DNAH11: variants seen among roughly 807,000 people sequenced by gnomAD.
The protein encoded by DNAH11 is dynein axonemal heavy chain 11.
A neutral mutation model predicts 526.0 loss-of-function variants in DNAH11; 442 were observed. That is an observed-to-expected ratio of 0.84 (90% CI 0.78 to 0.91). The LOEUF (loss-of-function observed/expected upper bound fraction) is 0.91. Ranked by LOEUF, DNAH11 falls within the 40% of genes least tolerant of loss-of-function variation. DNAH11 has a pLI of 0.00. For synonymous variants in DNAH11, 2,461 were observed against 1,935.9 expected, an observed-to-expected ratio of 1.27 and a Z score of -7.12; for missense variants, 6,989 against 5,448.7, an observed-to-expected ratio of 1.28 and a Z score of -8.90.
At chr7:21,763,828 A>G (rs1235717462) in intron 54 of DNAH11, among the ~76,000 whole-genome samples, 3 of 150,338 alleles carry the variant, frequency 2.0e-5, no homozygotes, top group Admixed American at 6.7e-5. Context: ...ATATACATAT[A>G]TATATATACA....
chr7:21,807,452 T>G (rs1789314574), intron 62 of DNAH11, among the ~76,000 whole-genome samples: 1 of 152,212 alleles, frequency 6.6e-6, no homozygotes, highest in Admixed American at 6.5e-5. Context: ...TGAGCCAAGA[T>G]GGTGCTATGG....
At chr7:21,643,021 G>A (rs773753037) in intron 28 of DNAH11, among the ~76,000 whole-genome samples, 9 of 152,154 alleles carry the variant, frequency 5.9e-5, no homozygotes, top group Non-Finnish European at 1.3e-4. Flanking sequence ...AAGGATGATG[G>A]ATACAGGTGC....
At position 21,738,916 on chromosome 7, in the gene DNAH11, T is replaced by C. The variant is rs565090693; in HGVS notation, c.7811+50T>C. ...CTCTCCCAAAATCTAATAATTATTA[T>C]GGATAATAATTACTATGGATGAATA... On this transcript the variant is annotated intron_variant, in intron 47 of 81. Coordinates refer to ENST00000409508, the MANE Select transcript of DNAH11 (RefSeq NM_001277115.2). The C allele has an allele frequency of 2.9e-6, 4 of 1,382,682 alleles. No homozygotes were observed. The African/African-American group carries it at 4.5e-5, about 15-fold the overall frequency. The allele number at this position is 1,382,682 out of a possible 1,614,324, so 85.7% of individuals were successfully genotyped here.
chr7:21,596,866 A>C (rs1476634226), intron 14 of DNAH11, among the ~76,000 whole-genome samples: 1 of 152,248 alleles, frequency 6.6e-6, no homozygotes, highest in Non-Finnish European at 1.5e-5. Flanking sequence ...GCCAGCTTTA[A>C]AATGGAAATG....
In DNAH11 at chr7:21,658,835, A is replaced by C; in HGVS notation, c.5132A>C (p.Gln1711Pro). 1.2e-6 allele frequency: 2 copies of C among 1,600,310 alleles called. No individual in the cohort carries two copies. Among genetic ancestry groups the C allele is most frequent in the African/African-American group, 1.3e-5 (1 of 74,816 alleles). The change falls in exon 30 of 82, where the codon CAA becomes CCA. Residue 1711 changes from glutamine to proline, a missense_variant. Coordinates refer to ENST00000409508, the MANE Select transcript of DNAH11 (RefSeq NM_001277115.2). ...TWLLQLEQTM[Q>P]ETVRHSITEA... ...CTTCTGCAACTTGAACAGACTATGC[A>C]AGAAACGGTGCGTCATTCTATAACA...
chr7:21,751,691 T>A (rs1007792363), intron 54 of DNAH11, among the ~76,000 whole-genome samples: 2 of 152,170 alleles, frequency 1.3e-5, no homozygotes, highest in African/African-American at 4.8e-5. Flanking sequence ...GATTGGAGGT[T>A]AAGGAGCAGA....
At chr7:21,828,146 A>G (rs905378542) in intron 65 of DNAH11, among the ~76,000 whole-genome samples, 6 of 152,054 alleles carry the variant, frequency 3.9e-5, no homozygotes, top group Admixed American at 3.9e-4. Context: ...ATGGGGTTTC[A>G]CTATGTTGGT....
At position 21,711,837 on chromosome 7, in the gene DNAH11, C is replaced by A; in HGVS notation, c.6960C>A (p.Asn2320Lys). 2 of 1,613,468 alleles carry A rather than the reference C, an allele frequency of 1.2e-6. No homozygotes were observed. The highest frequency in any genetic ancestry group is 1.7e-6 in the Non-Finnish European group (2 of 1,179,640). ...TVSRAGILYV[N>K]PQDLGWNPYV... ...CCAGAGCTGGTATTCTGTATGTGAACCCACAAGATCTGGGCTGGAATCCGT... is the reference window on the plus strand; with the variant it reads ...CCAGAGCTGGTATTCTGTATGTGAAACCACAAGATCTGGGCTGGAATCCGT... The change falls in exon 42 of 82, where the codon AAC (asparagine) becomes AAA (lysine). Residue 2320 changes from asparagine (N) to lysine (K), a missense_variant. Physicochemically the swap from Asn to Lys is moderately conservative, Grantham distance 94. Coordinates refer to ENST00000409508, the MANE Select transcript of DNAH11 (RefSeq NM_001277115.2).
chr7:21,566,685 T>A (rs1017164285), intron 6 of DNAH11, among the ~76,000 whole-genome samples: 2 of 152,044 alleles, frequency 1.3e-5, no homozygotes, highest in African/African-American at 4.8e-5. Flanking sequence ...TCACCCGTTA[T>A]ACCATGCTCC....
chr7:21,558,680 G>A, intron 2 of DNAH11, 122 bp from the exon 3 acceptor site: 1 of 673,010 alleles, frequency 1.5e-6, no homozygotes, highest in Non-Finnish European at 2.4e-6. Context: ...TCTCTTTGTA[G>A]ATTTGATATC....
At position 21,655,803 on chromosome 7, in the gene DNAH11, T is replaced by G. The variant is rs1253256346; in HGVS notation, c.4945-29T>G. ...AGAATATACCTACAGTAAGAAATGT[T>G]CTTATCTTTTCTAATATTCTCATTT... is the stretch of plus-strand genomic sequence containing the variant. On this transcript the variant is annotated intron_variant, in intron 28 of 81. Coordinates refer to ENST00000409508, the MANE Select transcript of DNAH11 (RefSeq NM_001277115.2). The G allele has an allele frequency of 3.1e-6, 5 of 1,598,656 alleles. No homozygotes were observed. The East Asian group carries it at 1.1e-4, about 36-fold the overall frequency.
At chr7:21,559,301 T>G (rs1165557267) in intron 3 of DNAH11, among the ~76,000 whole-genome samples, 2 of 152,266 alleles carry the variant, frequency 1.3e-5, no homozygotes, top group Non-Finnish European at 2.9e-5. Flanking sequence ...TTTTAAAGTA[T>G]GCTTTTAAAA....
rs760795047 is a variant in DNAH11 at position 21,894,942 on chromosome 7, C to T, written c.12992C>T (p.Thr4331Met). Residue 4331 changes from threonine (T) to methionine (M), a missense_variant, in exon 79 of 82, where the codon ACG becomes ATG. Thr to Met is a moderately conservative substitution (Grantham distance 81). Transcript: ENST00000409508. ...EAQQFALSYDTVPDTWSKLAY... is the reference protein window; with the variant it reads ...EAQQFALSYDMVPDTWSKLAY... Reference sequence around the variant, plus strand: ...CAGCAGTTTGCATTGAGTTATGACACGGTACCAGACACTTGGAGCAAACTG... The same window carrying T: ...CAGCAGTTTGCATTGAGTTATGACATGGTACCAGACACTTGGAGCAAACTG... 1.8e-5 allele frequency: 29 copies of T among 1,613,834 alleles called. No individual in the cohort carries two copies. The highest frequency in any genetic ancestry group is 1.5e-4 in the Admixed American group (9 of 59,988).
chr7:21,659,275 C>T (rs1246472390), intron 30 of DNAH11, among the ~76,000 whole-genome samples: 1 of 148,474 alleles, frequency 6.7e-6, no homozygotes, highest in East Asian at 2.0e-4. Flanking sequence ...AGCACTCATA[C>T]TAGATACTGT....
chr7:21,711,926 T>C (rs1583617946), intron 42 of DNAH11, 66 bp downstream of exon 42: 1 of 1,538,764 alleles, frequency 6.5e-7, no homozygotes, highest in African/African-American at 1.4e-5. Flanking sequence ...ATTTTCATAA[T>C]TTTTGCTTAA....
At position 21,861,836 on chromosome 7, in the gene DNAH11, C is replaced by G. The variant is rs1026377539; in HGVS notation, c.11203-17C>G. 1 of 1,609,482 alleles carries G rather than the reference C, an allele frequency of 6.2e-7. No individual in the cohort carries two copies. ...GCACCAGTTGTCACATTTTAATGGT[C>G]ACATTAAATTTCCCAGGCTTTTAAC... On this transcript the variant is annotated splice_polypyrimidine_tract_variant and intron_variant, in intron 68 of 81. Transcript: ENST00000409508.
intron 28 of DNAH11, among the ~76,000 whole-genome samples, chr7:21,650,027 T>C (rs1787555722): frequency 6.6e-6 from 1 of 152,122 alleles, no homozygotes; most frequent in Admixed American, 6.6e-5. Context: ...TAAAATTTAT[T>C]AAGTTGTACA....
intron 65 of DNAH11, among the ~76,000 whole-genome samples, chr7:21,833,103 A>G (rs145254482): frequency 1.3e-5 from 2 of 152,358 alleles, no homozygotes; most frequent in African/African-American, 2.4e-5. Context: ...CCATTGAACA[A>G]TAACAAAAAT....
At chr7:21,574,628 A>T (rs1320100901) in intron 8 of DNAH11, among the ~76,000 whole-genome samples, 15 of 136,380 alleles carry the variant, frequency 1.1e-4, no homozygotes, top group Non-Finnish European at 2.3e-4. Flanking sequence ...CAATGGTGCG[A>T]TCTTAGCTCA....
Sources: gnomAD v4.1 joint callset for allele counts (sites outside exome capture counted in the v4.1 genomes callset) on GRCh38, gnomAD v4.1.1 for gene constraint, MANE v1.5 for transcripts, NCBI Gene and HGNC (gene_info 2026-07-23, HGNC 2026-07-21) for gene names.